COL28A1: variants seen among roughly 807,000 people sequenced by gnomAD.
COL28A1 encodes collagen type XXVIII alpha 1 chain, also known as collagen alpha-1(XXVIII) chain.
A neutral mutation model predicts 150.2 loss-of-function variants in COL28A1; 161 were observed. The observed-to-expected ratio is 1.07, with a 90% CI of 0.94 to 1.22. The LOEUF is 1.22. Ranked by LOEUF, COL28A1 falls within the 50% of genes most tolerant of loss-of-function variation. COL28A1 has a pLI of 0.00. For synonymous variants in COL28A1, 552 were observed against 469.7 expected (o/e 1.18, Z -2.26); for missense variants, 1,617 against 1,388.3 (o/e 1.16, Z -2.62).
In COL28A1 at chr7:7,532,749, T is replaced by C; in HGVS notation, c.124+3A>G. 3 of 1,590,120 alleles carry C rather than the reference T, an allele frequency of 1.9e-6. No homozygotes were observed. Among genetic ancestry groups the C allele is most frequent in the East Asian group, 2.2e-5 (1 of 44,698 alleles). ...TAAAAACAAACAATTTTTTTTTTTT[T>C]ACCCTGGACATCACTTTTCCTTGCA... On this transcript the variant is annotated splice_donor_region_variant and intron_variant, in intron 2 of 34. Transcript: ENST00000399429.
At chr7:7,522,093 A>G (rs1333525640) in intron 4 of COL28A1, 132 bp from the exon 5 acceptor site, 3 of 709,902 alleles carry the variant, frequency 4.2e-6, no homozygotes, top group Admixed American at 4.0e-5. Context: ...AATTGTATTC[A>G]GTATATAACC....
intron 10 of COL28A1, among the ~76,000 whole-genome samples, chr7:7,506,366 C>T (rs977289945): frequency 6.6e-6 from 1 of 152,154 alleles, no homozygotes; most frequent in African/African-American, 2.4e-5. Flanking sequence ...AATATTTTGC[C>T]AGTTAAGTAT....
chr7:7,472,124 C>G (rs1390963202), intron 15 of COL28A1, among the ~76,000 whole-genome samples: 3 of 152,096 alleles, frequency 2.0e-5, no homozygotes, highest in African/African-American at 7.2e-5. Context: ...GACAAGGATG[C>G]CCACTCTCAC....
chr7:7,381,664 G>A, intron 27 of COL28A1, 52 bp from the exon 28 acceptor site: 1 of 1,424,410 alleles, frequency 7.0e-7, no homozygotes, highest in Non-Finnish European at 9.9e-7. Flanking sequence ...GGATAGCTTG[G>A]CTATTCTTTG....
At chr7:7,497,204 G>T (rs1274052205) in intron 11 of COL28A1, among the ~76,000 whole-genome samples, 2 of 152,118 alleles carry the variant, frequency 1.3e-5, no homozygotes, top group Non-Finnish European at 2.9e-5. Context: ...TCATTTCAGA[G>T]GAAGTGTTGT....
At chr7:7,384,527 C>T (rs573289361) in intron 27 of COL28A1, among the ~76,000 whole-genome samples, 1 of 152,240 alleles carries the variant, frequency 6.6e-6, no homozygotes, top group East Asian at 1.9e-4. Flanking sequence ...CAGTATATTG[C>T]TTATAGTTGT....
the COL28A1 span, among the ~76,000 whole-genome samples, chr7:7,343,252 C>G: frequency 6.6e-6 from 1 of 151,878 alleles, no homozygotes; most frequent in Non-Finnish European, 1.5e-5. Context: ...TATCTTTTAT[C>G]AGTTCTGAAA....
Position 7,373,279 on chromosome 7 carries a change from T to A in COL28A1, c.2627A>T (p.Tyr876Phe). The A allele has an allele frequency of 6.2e-7, 1 of 1,614,190 alleles. No homozygotes were observed. The highest frequency in any genetic ancestry group is 8.5e-7 in the Non-Finnish European group (1 of 1,180,038). ...GGCTGCTTGCAGAGCAGTGGCTGTG[T>A]ATGTGCCTTCCCCCAGATACTGCAT... ...DNMQYLGEGT[Y>F]TATALQAAND... is the part of the protein sequence containing the mutation. The change falls in exon 32 of 35, where the codon TAC becomes TTC. Residue 876 changes from tyrosine to phenylalanine, a missense_variant. Physicochemically the swap from Tyr to Phe is conservative, Grantham distance 22. Transcript: ENST00000399429. This position sits in a 1 kb window ranked among gnomAD's most constrained non-coding sequence, Gnocchi z 4.1.
upstream of COL28A1, among the ~76,000 whole-genome samples, chr7:7,537,815 T>A (rs1782702052): frequency 6.6e-6 from 1 of 152,040 alleles, no homozygotes. Flanking sequence ...CCTATGGGTG[T>A]TAGTCACACT....
intron 25 of COL28A1, among the ~76,000 whole-genome samples, chr7:7,421,316 T>C (rs550553841): frequency 6.6e-6 from 1 of 152,306 alleles, no homozygotes; most frequent in African/African-American, 2.4e-5. Flanking sequence ...ATGGATTAAC[T>C]ATAAATGGTC....
the COL28A1 span, among the ~76,000 whole-genome samples, chr7:7,348,246 G>A: frequency 2.6e-5 from 4 of 152,158 alleles, no homozygotes; most frequent in South Asian, 8.3e-4. Context: ...TCATTGGAGC[G>A]ATTCTAGCTG....
the COL28A1 span, among the ~76,000 whole-genome samples, chr7:7,543,218 A>G: frequency 1.3e-5 from 2 of 152,202 alleles, no homozygotes; most frequent in Non-Finnish European, 2.9e-5. Flanking sequence ...ATGAATGAGT[A>G]TAGTTCCAAC....
the COL28A1 span, among the ~76,000 whole-genome samples, chr7:7,351,153 G>A: frequency 6.6e-6 from 1 of 152,072 alleles, no homozygotes; most frequent in Non-Finnish European, 1.5e-5. Context: ...GGAACATTCT[G>A]GTTTGTTCTT....
intron 13 of COL28A1, among the ~76,000 whole-genome samples, chr7:7,479,525 T>C (rs1441464474): frequency 6.6e-6 from 1 of 152,228 alleles, no homozygotes; most frequent in Non-Finnish European, 1.5e-5. Context: ...TTTTAAAGCA[T>C]TAAGTGCTGT....
In COL28A1 at chr7:7,417,893, G is replaced by A; in HGVS notation, c.2102C>T (p.Pro701Leu). 6.2e-7 allele frequency: 1 copy of A among 1,613,508 alleles called. No homozygotes were observed. The highest frequency in any genetic ancestry group is 8.5e-7 in the Non-Finnish European group (1 of 1,179,720). The change falls in exon 27 of 35, where the codon CCT (proline) becomes CTT (leucine). Residue 701 changes from proline (P) to leucine (L), a missense_variant. Pro to Leu is a moderately conservative substitution (Grantham distance 98). Transcript: ENST00000399429. ...CTGTGATCCATAGCCAGGGGGGCCA[G>A]GAGGGCCAGGCAAGCCTTTCTGCCC... is the stretch of plus-strand genomic sequence containing the variant. ...DTGQKGLPGP[P>L]GPPGYGSQGI...
At chr7:7,383,281 TGTGTGTG>T (rs1781979213) in intron 27 of COL28A1, among the ~76,000 whole-genome samples, 9 of 138,072 alleles carry the variant, frequency 6.5e-5, no homozygotes, top group African/African-American at 2.5e-4. Flanking sequence ...TGTGTGTGTG[TGTGTGTG>T]TTTTTTTTGA....
chr7:7,408,070 T>C (rs1233673580), intron 27 of COL28A1, among the ~76,000 whole-genome samples: 1 of 152,172 alleles, frequency 6.6e-6, no homozygotes, highest in Non-Finnish European at 1.5e-5. Context: ...TCTGTGTCTC[T>C]CTGCCTCCAT....
chr7:7,482,527 GAA>G (rs34891028), intron 13 of COL28A1, among the ~76,000 whole-genome samples: 1 of 121,204 alleles, frequency 8.3e-6, no homozygotes, highest in Non-Finnish European at 1.8e-5. Context: ...CTCTGTCTCA[GAA>G]AAAAAAAAAA....
intron 4 of COL28A1, 100 bp from the exon 5 acceptor site, chr7:7,522,061 A>C: frequency 1.3e-6 from 1 of 756,540 alleles, no homozygotes; most frequent in South Asian, 1.4e-5. Context: ...TGTATTTCAA[A>C]TAAATTTCAA....
Sources: allele counts gnomAD v4.1 joint callset (sites outside exome capture counted in the v4.1 genomes callset), GRCh38; gene constraint gnomAD v4.1.1; non-coding constraint Gnocchi (gnomAD v3.1); transcripts MANE v1.5; gene names NCBI Gene and HGNC (gene_info 2026-07-23, HGNC 2026-07-21).